LY96: variants seen among roughly 807,000 people sequenced by gnomAD.
LY96 encodes the protein lymphocyte antigen 96.
A neutral mutation model predicts 18.9 loss-of-function variants in LY96; 18 were observed. That is an observed-to-expected ratio of 0.95 (90% CI 0.66 to 1.41). LY96 has a LOEUF of 1.41. Ranked by LOEUF, LY96 falls within the 40% of genes most tolerant of loss-of-function variation. LY96 has a pLI of 0.00. For synonymous variants in LY96, 66 were observed against 62.6 expected (o/e 1.06, Z -0.26); for missense variants, 175 against 182.4 (o/e 0.96, Z 0.23).
chr8:74,064,003 C>T, the LY96 span, among the ~76,000 whole-genome samples: 1 of 152,088 alleles, frequency 6.6e-6, no homozygotes, highest in African/African-American at 2.4e-5. Context: ...TACATTACAG[C>T]TTAGGGAAAA....
At chr8:74,034,174 C>T in the LY96 span, among the ~76,000 whole-genome samples, 1 of 152,142 alleles carries the variant, frequency 6.6e-6, no homozygotes, top group Admixed American at 6.5e-5. Context: ...GAAGTTTGAT[C>T]AGCCTAGCCA....
At chr8:74,067,926 T>G in the LY96 span, among the ~76,000 whole-genome samples, 19 of 151,594 alleles carry the variant, frequency 1.3e-4, no homozygotes, top group Middle Eastern at 3.4e-3. Flanking sequence ...CCAGGCATGG[T>G]GGCACATGTC....
At chr8:74,054,629 T>TTTCC in the LY96 span, among the ~76,000 whole-genome samples, 3 of 115,758 alleles carry the variant, frequency 2.6e-5, no homozygotes, top group African/African-American at 1.0e-4. Context: ...TCTTTCTTTC[T>TTTCC]TTCTTTCTTT....
chr8:74,019,941 A>T (rs1469786673), intron 3 of LY96, among the ~76,000 whole-genome samples: 3 of 152,222 alleles, frequency 2.0e-5, no homozygotes, highest in African/African-American at 7.2e-5. Context: ...AGAGCTATTT[A>T]TGACAAACCC....
At chr8:74,013,313 G>A (rs971369019) in intron 3 of LY96, among the ~76,000 whole-genome samples, 2 of 152,046 alleles carry the variant, frequency 1.3e-5, no homozygotes, top group East Asian at 3.9e-4. Flanking sequence ...AGTAGAGACA[G>A]GTTTTCATCA....
chr8:74,099,087 A>G, the LY96 span, among the ~76,000 whole-genome samples: 2 of 152,200 alleles, frequency 1.3e-5, no homozygotes, highest in African/African-American at 4.8e-5. Flanking sequence ...GCTCTAAATA[A>G]TCTTTTATGG....
At chr8:74,071,213 G>A in the LY96 span, among the ~76,000 whole-genome samples, 1 of 151,744 alleles carries the variant, frequency 6.6e-6, no homozygotes, top group Non-Finnish European at 1.5e-5. Flanking sequence ...GACGTGGCAG[G>A]AAGTACCTTA....
chr8:74,010,146 T>C lies in LY96; in HGVS notation c.331+17T>C, dbSNP rs767794562. 1 of 1,603,806 alleles carries C rather than the reference T, an allele frequency of 6.2e-7. No individual in the cohort carries two copies. The highest frequency in any genetic ancestry group is 8.5e-7 in the Non-Finnish European group (1 of 1,171,176). On this transcript the variant is annotated intron_variant, in intron 3 of 4. Coordinates refer to ENST00000284818, the MANE Select transcript of LY96 (RefSeq NM_015364.5). ...TGAAGGGAGGTAAGTATTCAGTTCA[T>C]ATTACTTTTAGAATAGGAAATAATT...
chr8:74,068,083 A>ATATATATATATATATATATATAT, the LY96 span, among the ~76,000 whole-genome samples: 32 of 95,800 alleles, frequency 3.3e-4, 1 homozygote, highest in African/African-American at 7.1e-4. Flanking sequence ...AAAAAAAAAA[A>ATATATATATATATATATATATAT]AAAAAAATAT....
chr8:74,094,849 G>GT, the LY96 span, among the ~76,000 whole-genome samples: 2 of 152,204 alleles, frequency 1.3e-5, no homozygotes, highest in Non-Finnish European at 2.9e-5. Flanking sequence ...ATTCTGATGG[G>GT]TTTAAGTATA....
the LY96 span, among the ~76,000 whole-genome samples, chr8:74,071,488 T>A: frequency 6.7e-6 from 1 of 149,818 alleles, no homozygotes; most frequent in Non-Finnish European, 1.5e-5. Flanking sequence ...TAAAAAAAAA[T>A]TGATAATATA....
At chr8:74,075,443 AT>A in the LY96 span, among the ~76,000 whole-genome samples, 2 of 151,728 alleles carry the variant, frequency 1.3e-5, no homozygotes, top group South Asian at 4.2e-4. Context: ...GTTTTTAAAT[AT>A]TTTTTTTGTT....
chr8:74,010,268 CT>C, intron 3 of LY96, 139 bp downstream of exon 3: 1 of 726,616 alleles, frequency 1.4e-6, no homozygotes, highest in Non-Finnish European at 2.3e-6. Flanking sequence ...ACTTTAGCAG[CT>C]TAAATAACAT....
the LY96 span, among the ~76,000 whole-genome samples, chr8:74,040,582 A>G: frequency 1.3e-5 from 2 of 152,274 alleles, no homozygotes; most frequent in African/African-American, 4.8e-5. Context: ...ACCATTTATT[A>G]AAGAGACTGT....
intron 3 of LY96, among the ~76,000 whole-genome samples, chr8:74,015,931 C>A (rs1387383213): frequency 6.6e-6 from 1 of 152,232 alleles, no homozygotes; most frequent in Admixed American, 6.5e-5. Flanking sequence ...CAGTCTGCAG[C>A]TCCCAGCGTG....
chr8:74,054,082 C>T, the LY96 span, among the ~76,000 whole-genome samples: 1 of 152,252 alleles, frequency 6.6e-6, no homozygotes, highest in South Asian at 2.1e-4. Context: ...GGCTAGAGTA[C>T]AGTGCTGTGA....
intron 1 of LY96, among the ~76,000 whole-genome samples, chr8:74,001,090 T>C (rs992863647): frequency 3.3e-5 from 5 of 152,024 alleles, no homozygotes; most frequent in African/African-American, 1.2e-4. Context: ...ATTCAAACCA[T>C]AGCAACACCT....
the LY96 span, among the ~76,000 whole-genome samples, chr8:74,093,438 G>T: frequency 6.6e-6 from 1 of 152,220 alleles, no homozygotes; most frequent in Non-Finnish European, 1.5e-5. Flanking sequence ...TGTGGATTGC[G>T]ATGGGGGAAA....
the LY96 span, among the ~76,000 whole-genome samples, chr8:74,097,348 G>A: frequency 2.0e-5 from 3 of 152,106 alleles, no homozygotes; most frequent in African/African-American, 4.8e-5. Context: ...CTGTAAAATT[G>A]GAATAGCAAC....
Sources: gnomAD v4.1 joint callset for allele counts (sites outside exome capture counted in the v4.1 genomes callset) on GRCh38, gnomAD v4.1.1 for gene constraint, MANE v1.5 for transcripts, NCBI Gene and HGNC (gene_info 2026-07-23, HGNC 2026-07-21) for gene names.